Variants in SUMF1 observed in about 807,000 individuals in gnomAD.
SUMF1 encodes the protein sulfatase modifying factor 1.
Under a neutral mutation model 47.6 loss-of-function variants are expected in SUMF1, and 48 were observed. The ratio of observed to expected loss-of-function variants is 1.01; its 90% CI spans 0.80 to 1.28. The LOEUF (loss-of-function observed/expected upper bound fraction) is 1.28, where lower values mean the gene tolerates loss of function less well. Among genes scored for constraint, SUMF1 ranks in the 50% most tolerant of loss-of-function variants. SUMF1 has a pLI of 0.00. For missense variants in SUMF1, 571 were observed against 485.4 expected, an observed-to-expected ratio of 1.18 and a Z score of -1.66; for synonymous variants, 230 against 192.1, an observed-to-expected ratio of 1.20 and a Z score of -1.63.
At chr3:4,451,746 G>A (rs1003342067) in intron 2 of SUMF1, among the ~76,000 whole-genome samples, 8 of 152,100 alleles carry the variant, frequency 5.3e-5, no homozygotes, top group Non-Finnish European at 1.0e-4. Flanking sequence ...GGCAGTGGCC[G>A]GATCTCGGCT....
At chr3:4,155,453 C>T (rs746465804) in intron 8 of SUMF1, among the ~76,000 whole-genome samples, 2 of 151,412 alleles carry the variant, frequency 1.3e-5, no homozygotes, top group Non-Finnish European at 2.9e-5. Flanking sequence ...CAAACACGGA[C>T]GTAGGAGCTT....
intron 8 of SUMF1, among the ~76,000 whole-genome samples, chr3:4,180,951 C>T (rs1388029724): frequency 1.3e-5 from 2 of 152,144 alleles, no homozygotes; most frequent in Non-Finnish European, 2.9e-5. Flanking sequence ...GAAAAACATG[C>T]TTACAATTCA....
At chr3:4,292,412 G>A (rs1418141397) in intron 8 of SUMF1, among the ~76,000 whole-genome samples, 1 of 152,156 alleles carries the variant, frequency 6.6e-6, no homozygotes, top group South Asian at 2.1e-4. Flanking sequence ...ACAAGAAGGG[G>A]CTTTGCCTAA....
rs201638076 is a variant in SUMF1, at chr3:4,466,949, C to G, written c.270+27G>C. ...CCGTCCAGGAACCGAGCAGCCCCCA[C>G]CCGCCTCGGAGGAATCGATGGAGCA... On this transcript the variant is annotated intron_variant, in intron 1 of 8. Coordinates refer to ENST00000272902, the MANE Select transcript of SUMF1 (RefSeq NM_182760.4). The G allele has an allele frequency of 5.0e-6, 8 of 1,603,558 alleles. No homozygotes were observed. In the East Asian group the frequency reaches 1.8e-4, roughly 36 times the overall value.
At chr3:4,213,665 C>G (rs1236740785) in intron 8 of SUMF1, among the ~76,000 whole-genome samples, 1 of 152,084 alleles carries the variant, frequency 6.6e-6, no homozygotes, top group Non-Finnish European at 1.5e-5. Context: ...TCAGGAGGCT[C>G]ATCTCATGTT....
intron 8 of SUMF1, among the ~76,000 whole-genome samples, chr3:4,179,683 A>T (rs1695048916): frequency 6.6e-6 from 1 of 152,180 alleles, no homozygotes; most frequent in African/African-American, 2.4e-5. Context: ...AAAAGCCAAA[A>T]TTGACAAATG....
At chr3:4,070,938 A>G (rs748708282) in intron 8 of SUMF1, among the ~76,000 whole-genome samples, 75 of 152,200 alleles carry the variant, frequency 4.9e-4, no homozygotes, top group Non-Finnish European at 6.9e-4. Flanking sequence ...GCCTCCTTTC[A>G]GTACTTTCTT....
Position 4,314,001 on chromosome 3 carries a change from G to A in SUMF1, c.1014+62329C>T, listed in dbSNP as rs562648795. 15 of 663,474 alleles carry A rather than the reference G, an allele frequency of 2.3e-5. No homozygotes were observed. In the South Asian group the frequency reaches 3.5e-4, roughly 16 times the overall value. 41.1% of individuals were successfully genotyped at this position (663,474 alleles called of 1,614,324 possible). On this transcript the variant is annotated intron_variant and NMD_transcript_variant, in intron 8 of 12. Transcript: ENST00000448413. Reference sequence around the variant, plus strand: ...TCTTAGTGACTGTTCTAGTTAATAGGATATAAGCAAAAATGACAAGTCCTT... The same window carrying A: ...TCTTAGTGACTGTTCTAGTTAATAGAATATAAGCAAAAATGACAAGTCCTT...
At chr3:4,171,744 G>C (rs1010525152) in intron 8 of SUMF1, among the ~76,000 whole-genome samples, 5 of 152,138 alleles carry the variant, frequency 3.3e-5, no homozygotes, top group African/African-American at 1.2e-4. Context: ...GGAGGAGATG[G>C]AGTTGTAGGC....
chr3:4,271,894 G>C (rs549717380), intron 8 of SUMF1, among the ~76,000 whole-genome samples: 1 of 152,128 alleles, frequency 6.6e-6, no homozygotes, highest in African/African-American at 2.4e-5. Flanking sequence ...GCTTCTCTTA[G>C]AGCACGCAAA....
At chr3:4,436,584 G>C (rs1702405536) in intron 3 of SUMF1, among the ~76,000 whole-genome samples, 1 of 147,046 alleles carries the variant, frequency 6.8e-6, no homozygotes, top group Admixed American at 6.9e-5. Flanking sequence ...GTTAAGAGTA[G>C]AGCAGAGTTG....
intron 8 of SUMF1, among the ~76,000 whole-genome samples, chr3:4,329,323 G>A (rs912823834): frequency 3.3e-5 from 5 of 152,204 alleles, no homozygotes; most frequent in Non-Finnish European, 1.5e-5. Flanking sequence ...TTCTCCATGA[G>A]GGCTCTGCCC....
At chr3:4,234,999 T>A (rs1263373641) in intron 8 of SUMF1, among the ~76,000 whole-genome samples, 1 of 152,134 alleles carries the variant, frequency 6.6e-6, no homozygotes, top group African/African-American at 2.4e-5. Flanking sequence ...TGACTGAATT[T>A]GTATTTTAAA....
rs144419664 is a variant in SUMF1 at position 4,346,236 on chromosome 3, T to C, written c.1014+30094A>G. On this transcript the variant is annotated intron_variant and NMD_transcript_variant, in intron 8 of 12. Transcript: ENST00000448413. ...TTAACAGAATATACATTCTTCTCAG[T>C]GCCACATGGCACTTATTCTAAAATC... 4.8e-3 allele frequency among the ~76,000 whole-genome samples: 732 copies of C among 152,260 alleles called. 7 individuals are homozygous for C. The highest frequency in any genetic ancestry group is 0.017 in the African/African-American group (706 of 41,554).
chr3:4,463,694 C>CTCAGACAGGAAA (rs1183996629), intron 1 of SUMF1, among the ~76,000 whole-genome samples: 1 of 152,158 alleles, frequency 6.6e-6, no homozygotes, highest in Non-Finnish European at 1.5e-5. Context: ...CAGAAACCTC[C>CTCAGACAGGAAA]TCAGACAGGA....
intron 8 of SUMF1, among the ~76,000 whole-genome samples, chr3:4,106,845 G>C (rs1408691557): frequency 6.6e-6 from 1 of 152,020 alleles, no homozygotes; most frequent in Non-Finnish European, 1.5e-5. Context: ...ATTTACCCTA[G>C]ATAAACATAG....
At chr3:4,204,565 T>C (rs1458576185) in intron 8 of SUMF1, among the ~76,000 whole-genome samples, 2 of 152,140 alleles carry the variant, frequency 1.3e-5, no homozygotes, top group African/African-American at 2.4e-5. Flanking sequence ...TGAATAAATT[T>C]TATGGTCCAA....
intron 9 of SUMF1, among the ~76,000 whole-genome samples, chr3:4,067,696 C>T (rs763814054): frequency 1.1e-4 from 17 of 152,116 alleles, no homozygotes; most frequent in African/African-American, 4.1e-4. Flanking sequence ...AATATCCGTG[C>T]TCAATCAAAG....
intron 6 of SUMF1, among the ~76,000 whole-genome samples, chr3:4,416,096 G>C (rs545536821): frequency 6.6e-6 from 1 of 152,234 alleles, no homozygotes; most frequent in East Asian, 1.9e-4. Context: ...GATTATGCCA[G>C]CAAAAGAACG....
Sources: gnomAD v4.1 joint callset for allele counts (sites outside exome capture counted in the v4.1 genomes callset) on GRCh38, gnomAD v4.1.1 for gene constraint, MANE v1.5 for transcripts, NCBI Gene and HGNC (gene_info 2026-07-23, HGNC 2026-07-21) for gene names.